The following CLEC16A variants were observed in gnomAD, a reference collection of about 807,000 sequenced individuals.
CLEC16A encodes protein CLEC16A.
Under a neutral mutation model 109.5 loss-of-function variants are expected in CLEC16A, and 51 were observed. The ratio of observed to expected loss-of-function variants is 0.47; its 90% CI spans 0.37 to 0.59. The LOEUF (loss-of-function observed/expected upper bound fraction) is 0.59, where lower values mean the gene tolerates loss of function less well. Among genes scored for constraint, CLEC16A ranks in the 20% least tolerant of loss-of-function variants. The pLI, the probability that CLEC16A is intolerant of heterozygous loss-of-function variation, is 0.00. For synonymous variants in CLEC16A, 673 were observed against 564.2 expected (o/e 1.19, Z -2.73); for missense variants, 1,339 against 1,394.0 (o/e 0.96, Z 0.63).
rs1180370443 is a variant in CLEC16A, at chr16:11,091,624, C to T, written c.2117-28991C>T. Among the ~76,000 whole-genome samples the T allele has an allele frequency of 7.2e-5, 11 of 152,304 alleles. 1 individual carries two copies. In the East Asian group the frequency reaches 2.1e-3, roughly 29 times the overall value. On this transcript the variant is annotated intron_variant, in intron 19 of 23. Coordinates refer to ENST00000409790, the MANE Select transcript of CLEC16A (RefSeq NM_015226.3). ...AGTCTGACCGCCAGCATTCAAGCTACCTCTGCTGCTTGCCAACCAGGTGAC... is the reference window on the plus strand; with the variant it reads ...AGTCTGACCGCCAGCATTCAAGCTATCTCTGCTGCTTGCCAACCAGGTGAC...
At position 11,128,419 on chromosome 16, in the gene CLEC16A, T is replaced by C. The variant is rs954432487; in HGVS notation, c.2641+2273T>C. ...ACAGCTGGGATGCCCCATGTCCTGT[T>C]GCTGGTCCCAGGGTCAGCAAGTGTG... On this transcript the variant is annotated intron_variant, in intron 22 of 23. Transcript: ENST00000409790. 3.9e-5 allele frequency among the ~76,000 whole-genome samples: 6 copies of C among 152,210 alleles called. No individual in the cohort carries two copies. In the South Asian group the frequency reaches 6.2e-4, roughly 16 times the overall value.
At chr16:11,120,303 C>T (rs1053049446) in intron 19 of CLEC16A, among the ~76,000 whole-genome samples, 6 of 152,212 alleles carry the variant, frequency 3.9e-5, no homozygotes, top group Non-Finnish European at 8.8e-5. Flanking sequence ...GGCTTGAGCA[C>T]CTAACATGCA....
intron 11 of CLEC16A, among the ~76,000 whole-genome samples, chr16:11,008,791 C>A (rs577299654): frequency 1.3e-4 from 20 of 148,568 alleles, no homozygotes; most frequent in African/African-American, 4.7e-4. Flanking sequence ...GAGATCGAGA[C>A]CCTCCTGGCC....
In CLEC16A at chr16:11,180,997, G is replaced by A. The variant is rs1320303433; in HGVS notation, c.*2307G>A. Reference sequence around the variant, plus strand: ...AGGGCAGTCCCCATGTGGGCTTGCAGGGTCACTCTCAGGGGCCTCTTTCAG... The same window carrying A: ...AGGGCAGTCCCCATGTGGGCTTGCAAGGTCACTCTCAGGGGCCTCTTTCAG... On this transcript the variant is annotated 3_prime_UTR_variant, in exon 24 of 24. Coordinates refer to ENST00000409790, the MANE Select transcript of CLEC16A (RefSeq NM_015226.3). The A allele has an allele frequency of 6.6e-6, 1 of 152,462 alleles. No individual in the cohort carries two copies. The highest frequency in any genetic ancestry group is 1.5e-5 in the Non-Finnish European group (1 of 68,232). The allele number at this position is 152,462 out of a possible 1,614,324, so 9.4% of individuals were successfully genotyped here. A position where few individuals can be genotyped will look rare whatever the true frequency, so the allele number is the denominator to read the frequency against.
At chr16:11,105,495 T>C (rs12929596) in intron 19 of CLEC16A, among the ~76,000 whole-genome samples, 19,680 of 152,238 alleles carry the variant, frequency 0.13, 1,272 homozygotes, top group South Asian at 0.15. Context: ...GTCTTAAAAT[T>C]TGACACGGGG....
chr16:11,010,717 T>A (rs1390514575), intron 11 of CLEC16A, among the ~76,000 whole-genome samples: 1 of 152,170 alleles, frequency 6.6e-6, no homozygotes, highest in Non-Finnish European at 1.5e-5. Flanking sequence ...CCTAATAATG[T>A]CTTTCTAGCA....
At chr16:11,069,235 C>T (rs2048928183) in intron 19 of CLEC16A, among the ~76,000 whole-genome samples, 1 of 152,076 alleles carries the variant, frequency 6.6e-6, no homozygotes, top group South Asian at 2.1e-4. Flanking sequence ...TAGGGTGATT[C>T]TCCCACCTCA....
intron 17 of CLEC16A, among the ~76,000 whole-genome samples, chr16:11,050,584 C>T (rs1221005420): frequency 2.0e-5 from 3 of 152,248 alleles, no homozygotes; most frequent in South Asian, 2.1e-4. Flanking sequence ...TTGATTACTA[C>T]TACTGATGCA....
chr16:11,058,066 TGTG>T (rs2048299244), intron 18 of CLEC16A, among the ~76,000 whole-genome samples: 1 of 152,260 alleles, frequency 6.6e-6, no homozygotes, highest in African/African-American at 2.4e-5. Context: ...TTTACAGAGT[TGTG>T]GGGCTGCCCA....
Position 10,945,169 on chromosome 16 carries a change from C to T in CLEC16A, c.80+372C>T, listed in dbSNP as rs112903653. Among the ~76,000 whole-genome samples, 1,457 of 152,262 alleles carry T rather than the reference C, an allele frequency of 9.6e-3. 44 individuals are homozygous for T. The South Asian group carries it at 0.11, about 11-fold the overall frequency. On this transcript the variant is annotated intron_variant, in intron 1 of 23. Transcript: ENST00000409790. ...GGGTCAAAGGCCTGGGTCCTGGAGT[C>T]GGGCAGATCTGGGTCCGAATCTATC...
Position 10,944,843 on chromosome 16 carries a change from G to A in CLEC16A, c.80+46G>A, listed in dbSNP as rs990990453. 10 of 1,518,214 alleles carry A rather than the reference G, an allele frequency of 6.6e-6. No homozygotes were observed. The Admixed American group carries it at 1.7e-4, about 26-fold the overall frequency. 94.0% of individuals were successfully genotyped at this position (1,518,214 alleles called of 1,614,324 possible). A position where few individuals can be genotyped will look rare whatever the true frequency, so the allele number is the denominator to read the frequency against. On this transcript the variant is annotated intron_variant, in intron 1 of 23. Transcript: ENST00000409790. Reference sequence around the variant, plus strand: ...GGGAGGCCTCGGGGCTGGACAGGGGGACGGGGCGCCGAGCTCCGGGTCGGG... The same window carrying A: ...GGGAGGCCTCGGGGCTGGACAGGGGAACGGGGCGCCGAGCTCCGGGTCGGG...
chr16:11,094,134 A>G (rs1398471266), intron 19 of CLEC16A, among the ~76,000 whole-genome samples: 5 of 152,096 alleles, frequency 3.3e-5, no homozygotes, highest in East Asian at 1.9e-4. Flanking sequence ...CCTGGTCTCA[A>G]CCTTTCCTCC....
chr16:11,073,698 C>T (rs2049194488), intron 19 of CLEC16A, among the ~76,000 whole-genome samples: 1 of 152,172 alleles, frequency 6.6e-6, no homozygotes, highest in Non-Finnish European at 1.5e-5. Flanking sequence ...CTGGATGGCC[C>T]TCCCAGCCTC....
chr16:11,003,191 G>A lies in CLEC16A; in HGVS notation c.1189G>A (p.Gly397Arg). ...AAAGAGACCCAACTACAAAAACGTT[G>A]GGGAAGAAGAAGATGAGGAGAAAGG... ...VQKRPNYKNV[G>R]EEEDEEKGPT... Residue 397 changes from glycine (G) to arginine (R), a missense_variant, in exon 11 of 24, where the codon GGG becomes AGG. This residue lies in a region of CLEC16A where 1,061 missense variants were observed against 1,006.8 expected (regional missense o/e 1.05). Transcript: ENST00000409790. 1.2e-6 allele frequency: 2 copies of A among 1,613,612 alleles called. No homozygotes were observed. Among genetic ancestry groups the A allele is most frequent in the Non-Finnish European group, 1.7e-6 (2 of 1,179,842 alleles).
chr16:11,154,959 C>G (rs1235712211), intron 22 of CLEC16A, among the ~76,000 whole-genome samples: 2 of 151,666 alleles, frequency 1.3e-5, no homozygotes, highest in African/African-American at 4.8e-5. Context: ...CCCACCACTA[C>G]AAAAAACAGA....
chr16:11,117,572 T>C (rs1597441792), intron 19 of CLEC16A, among the ~76,000 whole-genome samples: 1 of 152,234 alleles, frequency 6.6e-6, no homozygotes, highest in Non-Finnish European at 1.5e-5. Context: ...TTCGAAAGTA[T>C]GTCTTGAATA....
At chr16:11,129,015 G>A (rs990993756) in intron 22 of CLEC16A, among the ~76,000 whole-genome samples, 2 of 152,064 alleles carry the variant, frequency 1.3e-5, no homozygotes, top group Non-Finnish European at 2.9e-5. Flanking sequence ...TCTGATCTTG[G>A]GTGGTGGCTG....
chr16:11,081,637 T>G (rs1490683340), intron 19 of CLEC16A, among the ~76,000 whole-genome samples: 1 of 152,134 alleles, frequency 6.6e-6, no homozygotes, highest in Non-Finnish European at 1.5e-5. Flanking sequence ...GCCCTATCAT[T>G]TCTTACAGGA....
At chr16:10,997,549 A>G (rs564405427) in intron 10 of CLEC16A, among the ~76,000 whole-genome samples, 16 of 152,200 alleles carry the variant, frequency 1.1e-4, no homozygotes, top group Non-Finnish European at 2.1e-4. Flanking sequence ...ACTATTCTTA[A>G]GTGTTCAGTT....
Sources: gnomAD v4.1 joint callset for allele counts (sites outside exome capture counted in the v4.1 genomes callset) on GRCh38, gnomAD v4.1.1 for gene constraint, gnomAD v4.1.1 regional missense constraint, MANE v1.5 for transcripts, NCBI Gene and HGNC (gene_info 2026-07-23, HGNC 2026-07-21) for gene names.